Variants in ROBO2 observed in about 807,000 individuals in gnomAD.
The protein encoded by ROBO2 is roundabout guidance receptor 2.
ROBO2 carries 53 observed loss-of-function variants against 160.8 expected under a neutral mutation model. That is an observed-to-expected ratio of 0.33 (90% CI 0.26 to 0.41). The LOEUF (loss-of-function observed/expected upper bound fraction) is 0.41. ROBO2 is among the 10% of genes least tolerant of loss of function. The pLI is 1.00. For synonymous variants in ROBO2, 664 were observed against 611.7 expected (o/e 1.09, Z -1.26); for missense variants, 1,577 against 1,722.4 (o/e 0.92, Z 1.49).
chr3:76,666,034 A>G (rs369735667), intron 2 of ROBO2, among the ~76,000 whole-genome samples: 15 of 123,262 alleles, frequency 1.2e-4, no homozygotes, highest in East Asian at 8.0e-4. Context: ...TATATATATT[A>G]TATATATACT....
chr3:76,101,573 G>A (rs1408721884), intron 2 of ROBO2, among the ~76,000 whole-genome samples: 1 of 152,070 alleles, frequency 6.6e-6, no homozygotes, highest in East Asian at 1.9e-4. Flanking sequence ...TATACTTGAA[G>A]TTTTGGGGTA....
intron 20 of ROBO2, among the ~76,000 whole-genome samples, chr3:77,606,192 G>C (rs2094522588): frequency 6.7e-6 from 1 of 148,956 alleles, no homozygotes; most frequent in Non-Finnish European, 1.5e-5. Context: ...GAGGAGCTGG[G>C]TTTGCTCTAA....
At chr3:76,638,463 T>G (rs75347826) in intron 2 of ROBO2, among the ~76,000 whole-genome samples, 2,501 of 152,262 alleles carry the variant, frequency 0.016, 27 homozygotes, top group Middle Eastern at 0.041. Flanking sequence ...TTTTTAAAAT[T>G]GTTAACATAG....
chr3:77,221,481 A>T (rs911421928), intron 2 of ROBO2, among the ~76,000 whole-genome samples: 1 of 152,096 alleles, frequency 6.6e-6, no homozygotes, highest in Non-Finnish European at 1.5e-5. Context: ...TTCAGGCTCA[A>T]TCCAGTCTTT....
intron 2 of ROBO2, among the ~76,000 whole-genome samples, chr3:76,921,685 C>G (rs6766934): frequency 0.13 from 20,000 of 151,548 alleles, 1,469 homozygotes; most frequent in African/African-American, 0.2. Flanking sequence ...TTGTTTGTTT[C>G]TTTCTTTCTT....
chr3:76,348,878 G>C (rs1165206140), intron 2 of ROBO2, among the ~76,000 whole-genome samples: 1 of 152,130 alleles, frequency 6.6e-6, no homozygotes, highest in African/African-American at 2.4e-5. Flanking sequence ...TGTTCAAAAA[G>C]TTATGGAGGC....
intron 21 of ROBO2, among the ~76,000 whole-genome samples, chr3:77,609,867 C>T (rs2094593828): frequency 6.9e-6 from 1 of 144,768 alleles, no homozygotes; most frequent in Admixed American, 7.0e-5. Context: ...TCTTAAATAC[C>T]TAGTATTTGC....
At chr3:75,913,263 C>G (rs151008590) in intron 1 of ROBO2, among the ~76,000 whole-genome samples, 129 of 152,250 alleles carry the variant, frequency 8.5e-4, no homozygotes, top group African/African-American at 3.0e-3. Context: ...ACTTTGGACT[C>G]ACATGGATGA....
chr3:77,489,142 C>A (rs1370827720), intron 4 of ROBO2, among the ~76,000 whole-genome samples: 2 of 152,122 alleles, frequency 1.3e-5, no homozygotes, highest in Non-Finnish European at 2.9e-5. Context: ...AGGAATTTCC[C>A]ATGTCACATG....
intron 21 of ROBO2, among the ~76,000 whole-genome samples, chr3:77,612,921 C>T (rs1332643022): frequency 6.6e-6 from 1 of 151,932 alleles, no homozygotes; most frequent in Non-Finnish European, 1.5e-5. Context: ...CCACTGCACT[C>T]CAGCCTGGGT....
chr3:77,538,764 A>G (rs2153640918), intron 6 of ROBO2: 2 of 361,310 alleles, frequency 5.5e-6, no homozygotes, highest in Non-Finnish European at 1.1e-5. Flanking sequence ...TCACGTATCA[A>G]TTAGAACCCA....
At chr3:76,364,230 C>T (rs1425963721) in intron 2 of ROBO2, among the ~76,000 whole-genome samples, 1 of 152,050 alleles carries the variant, frequency 6.6e-6, no homozygotes, top group African/African-American at 2.4e-5. Context: ...TTAACTGACA[C>T]TCCAGGAATA....
intron 2 of ROBO2, among the ~76,000 whole-genome samples, chr3:76,063,498 C>G (rs937767546): frequency 6.6e-6 from 1 of 151,740 alleles, no homozygotes; most frequent in Non-Finnish European, 1.5e-5. Flanking sequence ...GTGTTGCCAC[C>G]ACACATGACC....
At chr3:76,850,393 G>A (rs557691834) in intron 2 of ROBO2, among the ~76,000 whole-genome samples, 6 of 152,122 alleles carry the variant, frequency 3.9e-5, no homozygotes, top group East Asian at 1.9e-4. Context: ...TCAGTATCCC[G>A]TGACCTTACC....
chr3:75,994,888 C>G (rs2065681153), intron 2 of ROBO2, among the ~76,000 whole-genome samples: 1 of 152,128 alleles, frequency 6.6e-6, no homozygotes, highest in Admixed American at 6.5e-5. Context: ...GGCTGAGGTG[C>G]TATCAGATGG....
At chr3:76,069,433 G>T (rs1474853656) in intron 2 of ROBO2, among the ~76,000 whole-genome samples, 1 of 151,892 alleles carries the variant, frequency 6.6e-6, no homozygotes, top group East Asian at 1.9e-4. Flanking sequence ...ACACTACACT[G>T]GTATAATCCA....
At chr3:77,327,132 T>C (rs1178778538) in intron 2 of ROBO2, among the ~76,000 whole-genome samples, 2 of 152,312 alleles carry the variant, frequency 1.3e-5, no homozygotes, top group Non-Finnish European at 2.9e-5. Flanking sequence ...TTGTTCTATA[T>C]AAAATTTGGT....
At chr3:77,101,874 T>C (rs1416563765) in intron 2 of ROBO2, among the ~76,000 whole-genome samples, 1 of 152,238 alleles carries the variant, frequency 6.6e-6, no homozygotes, top group East Asian at 1.9e-4. Flanking sequence ...ACCCCGACTC[T>C]ACTAAAAATA....
chr3:77,101,606 T>A (rs2150103389), intron 2 of ROBO2, among the ~76,000 whole-genome samples: 1 of 152,242 alleles, frequency 6.6e-6, no homozygotes, highest in South Asian at 2.1e-4. Flanking sequence ...TGAGTCCAAT[T>A]CCAGTGCTTA....
Sources: gnomAD v4.1 joint callset for allele counts (sites outside exome capture counted in the v4.1 genomes callset) on GRCh38, gnomAD v4.1.1 for gene constraint, MANE v1.5 for transcripts, NCBI Gene and HGNC (gene_info 2026-07-23, HGNC 2026-07-21) for gene names.